Variants in CEP170 observed in about 807,000 individuals in gnomAD.
CEP170 encodes the protein centrosomal protein of 170 kDa.
CEP170 carries 21 observed loss-of-function variants against 151.9 expected under a neutral mutation model. That is an observed-to-expected ratio of 0.14 (90% CI 0.10 to 0.20). The LOEUF is 0.20. Among genes scored for constraint, CEP170 ranks in the 10% least tolerant of loss-of-function variants. The probability of loss-of-function intolerance (pLI) is 1.00; values close to 1 mark genes in which losing one functional copy is unlikely to be tolerated. For synonymous variants in CEP170, 356 were observed against 648.8 expected, an observed-to-expected ratio of 0.55 and a Z score of 6.86; for missense variants, 964 against 1,892.9, an observed-to-expected ratio of 0.51 and a Z score of 9.11.
intron 13 of CEP170, among the ~76,000 whole-genome samples, chr1:243,160,428 T>C (rs1284227121): frequency 6.6e-6 from 1 of 152,152 alleles, no homozygotes; most frequent in Non-Finnish European, 1.5e-5. Context: ...TTTTTAATTA[T>C]AAAATAGGCA....
intron 3 of CEP170, among the ~76,000 whole-genome samples, chr1:243,218,279 T>C (rs777920836): frequency 6.6e-6 from 1 of 152,222 alleles, no homozygotes; most frequent in Non-Finnish European, 1.5e-5. Flanking sequence ...GAACACAGAC[T>C]GCTGATGGGG....
Position 243,128,233 on chromosome 1 carries a change from T to G in CEP170, c.4465+16A>C, listed in dbSNP as rs1324806770. On this transcript the variant is annotated intron_variant, in intron 19 of 19. Coordinates refer to ENST00000366542, the MANE Select transcript of CEP170 (RefSeq NM_014812.3). ...AAATTATTAGCTCTTTATACTTAAT[T>G]CAGTAGTAAATTTACCTTGCAGCTG... 2 of 1,574,798 alleles carry G rather than the reference T, an allele frequency of 1.3e-6. No individual in the cohort carries two copies. Among genetic ancestry groups the G allele is most frequent in the African/African-American group, 2.8e-5 (2 of 72,480 alleles).
At chr1:243,230,674 C>G (rs956961712) in intron 1 of CEP170, among the ~76,000 whole-genome samples, 4 of 152,022 alleles carry the variant, frequency 2.6e-5, no homozygotes, top group African/African-American at 9.7e-5. Context: ...GTTCAGTGAA[C>G]CTGAAGATAA....
At chr1:243,227,611 A>G (rs2063406982) in intron 1 of CEP170, among the ~76,000 whole-genome samples, 1 of 152,186 alleles carries the variant, frequency 6.6e-6, no homozygotes, top group Admixed American at 6.6e-5. Context: ...CTTAAAAAAC[A>G]AACAAACAAA....
intron 6 of CEP170, among the ~76,000 whole-genome samples, chr1:243,199,943 A>G (rs1228026437): frequency 6.6e-6 from 1 of 151,914 alleles, no homozygotes; most frequent in East Asian, 1.9e-4. Context: ...AAAATATTAT[A>G]AGGTAAACTA....
At position 243,226,257 on chromosome 1, in the gene CEP170, A is replaced by G. The variant is rs2063297828; in HGVS notation, c.-41-936T>C. ...CATATATATACACATATATGTATGT[A>G]TATATATAGTTTACATATTAAAATG... On this transcript the variant is annotated intron_variant, in intron 1 of 19. Transcript: ENST00000366542. Among the ~76,000 whole-genome samples the G allele has an allele frequency of 4.7e-5, 7 of 149,140 alleles. 1 individual carries two copies. In the South Asian group the frequency reaches 1.5e-3, roughly 31 times the overall value.
At chr1:243,176,972 G>T (rs1470191800) in intron 10 of CEP170, among the ~76,000 whole-genome samples, 1 of 152,190 alleles carries the variant, frequency 6.6e-6, no homozygotes, top group East Asian at 1.9e-4. Context: ...AAGTTTGACT[G>T]ATTTTTTTCA....
intron 1 of CEP170, among the ~76,000 whole-genome samples, chr1:243,241,561 G>A (rs577019072): frequency 2.2e-4 from 33 of 152,154 alleles, no homozygotes; most frequent in African/African-American, 7.5e-4. Context: ...AGGCCGAGGC[G>A]GGTGGATCAC....
chr1:243,180,898 A>T (rs1038856301), intron 10 of CEP170, among the ~76,000 whole-genome samples: 12 of 152,208 alleles, frequency 7.9e-5, no homozygotes, highest in African/African-American at 2.9e-4. Context: ...AGACGCTAGT[A>T]AGAGGCTTTG....
intron 4 of CEP170, among the ~76,000 whole-genome samples, chr1:243,205,152 T>C (rs931953720): frequency 6.6e-6 from 1 of 152,108 alleles, no homozygotes; most frequent in Non-Finnish European, 1.5e-5. Context: ...CAAATCAACA[T>C]TACTGGAATT....
chr1:243,222,417 T>C (rs2062900234), intron 2 of CEP170, among the ~76,000 whole-genome samples: 1 of 152,236 alleles, frequency 6.6e-6, no homozygotes, highest in Non-Finnish European at 1.5e-5. Flanking sequence ...CTTTTAAGTT[T>C]CTTTTAAAGT....
intron 10 of CEP170, among the ~76,000 whole-genome samples, chr1:243,173,995 C>T (rs1156919916): frequency 9.2e-5 from 14 of 152,154 alleles, no homozygotes; most frequent in Non-Finnish European, 1.2e-4. Context: ...TAGTAGATAG[C>T]ATAATTCTCA....
intron 14 of CEP170, among the ~76,000 whole-genome samples, chr1:243,146,481 A>G (rs1386832376): frequency 6.6e-6 from 1 of 152,234 alleles, no homozygotes; most frequent in African/African-American, 2.4e-5. Flanking sequence ...AGGCAGGTAT[A>G]AAGTAAAAAT....
chr1:243,196,726 G>T (rs1386470132), intron 7 of CEP170, among the ~76,000 whole-genome samples: 1 of 151,976 alleles, frequency 6.6e-6, no homozygotes, highest in Non-Finnish European at 1.5e-5. Flanking sequence ...GTGGCTCTAG[G>T]GCACAGTGAT....
rs377475935 is a variant in CEP170, at chr1:243,164,426, C to T, written c.3534G>A (p.Ser1178=). The T allele has an allele frequency of 8.1e-4, 1,267 of 1,571,730 alleles. 9 individuals carry two copies. In the African/African-American group the frequency reaches 0.015, roughly 19 times the overall value. The change falls in exon 13 of 20, where the codon TCG becomes TCA. Residue 1178 remains serine, a synonymous_variant. Transcript: ENST00000366542. ...TTCTAATGATGGCTTCTGCGGTCCT[C>T]GAAGAGGCACTACTTCTAGAAATTG... is the stretch of plus-strand genomic sequence containing the variant. The part of the protein sequence containing the change: ...EATISRSSAS[S]RTAEAIIRSG...
At chr1:243,221,682 A>C in intron 3 of CEP170, 42 bp downstream of exon 3, 1 of 1,531,086 alleles carries the variant, frequency 6.5e-7, no homozygotes, top group Non-Finnish European at 8.9e-7. Flanking sequence ...TACAATATTA[A>C]ACAAATGTTC....
intron 13 of CEP170, among the ~76,000 whole-genome samples, chr1:243,161,906 A>G (rs1260295092): frequency 5.3e-5 from 8 of 152,248 alleles, no homozygotes; most frequent in Non-Finnish European, 1.2e-4. Flanking sequence ...GCACCAAATT[A>G]GCAAAATCAA....
intron 3 of CEP170, among the ~76,000 whole-genome samples, chr1:243,213,741 G>A (rs532471886): frequency 9.9e-5 from 15 of 152,204 alleles, no homozygotes; most frequent in South Asian, 2.1e-4. Flanking sequence ...ACAGGGTCTC[G>A]CTCTGTCACC....
chr1:243,153,102 G>A (rs1286227672), intron 14 of CEP170, among the ~76,000 whole-genome samples: 1 of 152,220 alleles, frequency 6.6e-6, no homozygotes, highest in Non-Finnish European at 1.5e-5. Context: ...GGAAGTCACT[G>A]CAGATATGGT....
Sources: allele counts gnomAD v4.1 joint callset (sites outside exome capture counted in the v4.1 genomes callset), GRCh38; gene constraint gnomAD v4.1.1; transcripts MANE v1.5; gene names NCBI Gene and HGNC (gene_info 2026-07-23, HGNC 2026-07-21).